The following SPAG16 variants were observed in gnomAD, a reference collection of about 807,000 sequenced individuals.
SPAG16 encodes the protein sperm associated antigen 16.
Under a neutral mutation model 80.4 loss-of-function variants are expected in SPAG16, and 86 were observed. That is an observed-to-expected ratio of 1.07 (90% CI 0.90 to 1.28). SPAG16 has a LOEUF of 1.28. SPAG16 is among the 50% of genes most tolerant of loss of function. The pLI is 0.00. For missense variants in SPAG16, 870 were observed against 765.3 expected (o/e 1.14, Z -1.61); for synonymous variants, 294 against 265.9 (o/e 1.11, Z -1.03).
chr2:214,397,963 G>C (rs1330352433), intron 15 of SPAG16, among the ~76,000 whole-genome samples: 1 of 152,056 alleles, frequency 6.6e-6, no homozygotes, highest in Admixed American at 6.6e-5. Context: ...CTTAATCCTG[G>C]CCTGGTGAAT....
chr2:213,575,400 G>T (rs887713196), intron 10 of SPAG16, among the ~76,000 whole-genome samples: 1 of 151,904 alleles, frequency 6.6e-6, no homozygotes, highest in Non-Finnish European at 1.5e-5. Flanking sequence ...AAATTAAAGG[G>T]TATTTATTGA....
intron 10 of SPAG16, among the ~76,000 whole-genome samples, chr2:213,530,016 T>C (rs1224558440): frequency 6.6e-6 from 1 of 152,170 alleles, no homozygotes; most frequent in African/African-American, 2.4e-5. Context: ...CTGGACGATC[T>C]TCAGAGATTA....
At chr2:214,334,577 A>C (rs908417678) in intron 15 of SPAG16, among the ~76,000 whole-genome samples, 7 of 152,176 alleles carry the variant, frequency 4.6e-5, no homozygotes, top group Non-Finnish European at 1.0e-4. Context: ...AGTTGAAAAT[A>C]TCATAGGTTG....
At chr2:214,176,279 T>A (rs1002532295) in intron 15 of SPAG16, among the ~76,000 whole-genome samples, 1 of 151,086 alleles carries the variant, frequency 6.6e-6, no homozygotes, top group African/African-American at 2.4e-5. Flanking sequence ...ACTTCTTTTT[T>A]TAAAAAAAAA....
rs200198415 is a variant in SPAG16 at position 213,490,058 on chromosome 2, C to T, written c.1038C>T (p.Asn346=). The change falls in exon 10 of 16, where the codon AAC becomes AAT. Residue 346 remains asparagine, a synonymous_variant. Transcript: ENST00000331683. ...CAAAATTTGACTACAAGCTGAAAAA[C>T]ATTTTTAGACTCCATGAACTTCCAG... ...SPAKFDYKLK[N]IFRLHELPVS... 93 of 1,604,004 alleles carry T rather than the reference C, an allele frequency of 5.8e-5. No homozygotes were observed. Among genetic ancestry groups the T allele is most frequent in the Non-Finnish European group, 7.2e-5 (85 of 1,175,528 alleles).
chr2:214,221,404 A>G (rs556016406), intron 15 of SPAG16, among the ~76,000 whole-genome samples: 2 of 151,892 alleles, frequency 1.3e-5, no homozygotes, highest in East Asian at 3.9e-4. Context: ...TTCTTCAATG[A>G]TTTTTTCAGC....
At chr2:213,641,539 G>T (rs928913817) in intron 10 of SPAG16, among the ~76,000 whole-genome samples, 3 of 152,164 alleles carry the variant, frequency 2.0e-5, no homozygotes, top group Admixed American at 6.5e-5. Context: ...GATTCCACTG[G>T]CTGCGTTCCC....
chr2:213,946,901 C>A (rs1293179852), intron 12 of SPAG16, among the ~76,000 whole-genome samples: 3 of 152,180 alleles, frequency 2.0e-5, no homozygotes, highest in Non-Finnish European at 4.4e-5. Flanking sequence ...TGTTCTAGAT[C>A]ACTGTCATTG....
chr2:213,929,401 A>G (rs1221681897), intron 11 of SPAG16, among the ~76,000 whole-genome samples: 1 of 152,186 alleles, frequency 6.6e-6, no homozygotes, highest in African/African-American at 2.4e-5. Flanking sequence ...GAAATGCAAA[A>G]TTGAATGAGT....
intron 15 of SPAG16, among the ~76,000 whole-genome samples, chr2:214,211,481 G>A (rs2058292024): frequency 6.6e-6 from 1 of 152,180 alleles, no homozygotes; most frequent in South Asian, 2.1e-4. Flanking sequence ...AGTCATGGGG[G>A]AATAATCCAT....
chr2:213,991,491 A>G (rs560198404), intron 12 of SPAG16, among the ~76,000 whole-genome samples: 1 of 152,216 alleles, frequency 6.6e-6, no homozygotes, highest in South Asian at 2.1e-4. Flanking sequence ...AGTAAAATAT[A>G]AATCCACTAT....
At chr2:214,329,746 C>G (rs764097054) in intron 15 of SPAG16, among the ~76,000 whole-genome samples, 12 of 152,030 alleles carry the variant, frequency 7.9e-5, no homozygotes, top group Non-Finnish European at 1.3e-4. Flanking sequence ...GATTTTCTTC[C>G]CAAGTACTTT....
intron 12 of SPAG16, among the ~76,000 whole-genome samples, chr2:213,953,463 G>T (rs1049132146): frequency 2.0e-5 from 3 of 151,646 alleles, no homozygotes; most frequent in Non-Finnish European, 2.9e-5. Context: ...GAAACATTTA[G>T]GTCTTGGAAC....
intron 10 of SPAG16, among the ~76,000 whole-genome samples, chr2:213,565,146 C>A (rs1017515292): frequency 6.6e-6 from 1 of 152,172 alleles, no homozygotes; most frequent in Non-Finnish European, 1.5e-5. Flanking sequence ...CTACCGCCAA[C>A]TAGTTCTATT....
chr2:214,251,844 G>T (rs1690315536), intron 15 of SPAG16, among the ~76,000 whole-genome samples: 1 of 152,094 alleles, frequency 6.6e-6, no homozygotes, highest in African/African-American at 2.4e-5. Context: ...TAGGGTCTAA[G>T]TAGCCAAGGG....
intron 13 of SPAG16, among the ~76,000 whole-genome samples, chr2:214,100,055 C>T (rs574646015): frequency 6.6e-6 from 1 of 152,044 alleles, no homozygotes; most frequent in East Asian, 1.9e-4. Context: ...GTGATTGGAT[C>T]GTGGGGGCAG....
chr2:213,352,386 T>G (rs972311110), intron 7 of SPAG16, among the ~76,000 whole-genome samples: 2 of 152,180 alleles, frequency 1.3e-5, no homozygotes, highest in African/African-American at 4.8e-5. Flanking sequence ...TTATTCTATA[T>G]CCTGAGGTAT....
chr2:214,199,999 G>A (rs112052946), intron 15 of SPAG16, among the ~76,000 whole-genome samples: 213 of 152,124 alleles, frequency 1.4e-3, no homozygotes, highest in African/African-American at 4.9e-3. Flanking sequence ...GGAACTTTTT[G>A]GATGAGTTTT....
chr2:214,275,321 T>A (rs910067424), intron 15 of SPAG16, among the ~76,000 whole-genome samples: 1 of 152,216 alleles, frequency 6.6e-6, no homozygotes, highest in African/African-American at 2.4e-5. Flanking sequence ...ATCTTAGTTA[T>A]TTTTTGCCTT....
Sources: gnomAD v4.1 joint callset for allele counts (sites outside exome capture counted in the v4.1 genomes callset) on GRCh38, gnomAD v4.1.1 for gene constraint, MANE v1.5 for transcripts, NCBI Gene and HGNC (gene_info 2026-07-23, HGNC 2026-07-21) for gene names.